HPCAL1: variants seen among roughly 807,000 people sequenced by gnomAD.
HPCAL1 encodes hippocalcin-like protein 1.
A neutral mutation model predicts 17.1 loss-of-function variants in HPCAL1; 8 were observed. The observed-to-expected ratio is 0.47, with a 90% CI of 0.27 to 0.84. HPCAL1 has a LOEUF of 0.84. Ranked by LOEUF, HPCAL1 falls within the 40% of genes least tolerant of loss-of-function variation. HPCAL1 has a pLI of 0.13. For synonymous variants in HPCAL1, 112 were observed against 111.4 expected, an observed-to-expected ratio of 1.01 and a Z score of -0.03; for missense variants, 165 against 271.1, an observed-to-expected ratio of 0.61 and a Z score of 2.75.
chr2:10,305,232 A>T (rs903500599), intron 1 of HPCAL1, among the ~76,000 whole-genome samples: 9 of 139,600 alleles, frequency 6.4e-5, no homozygotes, highest in African/African-American at 2.3e-4. Flanking sequence ...TAATAATATT[A>T]AAAAAAAAAT....
rs1477575489 is a variant in HPCAL1, at chr2:10,344,909, CTG to C, written c.-111+41738_-111+41739del. ...TCTATGTGTCCGTTTCTCTTTCTCT[CTG>C]TGTGTCTCTCTCTCTGTGCCTTTCA... On this transcript the variant is annotated intron_variant, in intron 1 of 4. Coordinates refer to ENST00000307845, the MANE Select transcript of HPCAL1 (RefSeq NM_002149.4). This position sits in a 1 kb window ranked among gnomAD's most constrained non-coding sequence, Gnocchi z 4.9. 4.7e-5 allele frequency among the ~76,000 whole-genome samples: 7 copies of C among 149,814 alleles called. No homozygotes were observed. The highest frequency in any genetic ancestry group is 3.3e-4 in the Admixed American group (5 of 15,058).
intron 1 of HPCAL1, among the ~76,000 whole-genome samples, chr2:10,349,334 A>G (rs1665677751): frequency 6.6e-6 from 1 of 152,092 alleles, no homozygotes; most frequent in Admixed American, 6.6e-5. Flanking sequence ...GAGTGCTTGT[A>G]AGAAGCCTGC....
At chr2:10,409,847 T>C (rs1417847319) in intron 2 of HPCAL1, among the ~76,000 whole-genome samples, 3 of 131,452 alleles carry the variant, frequency 2.3e-5, no homozygotes, top group Non-Finnish European at 3.1e-5. Flanking sequence ...TGGAGTGCAG[T>C]GGCACCACCT....
At chr2:10,412,733 G>A (rs182033519) in intron 2 of HPCAL1, among the ~76,000 whole-genome samples, 1 of 152,314 alleles carries the variant, frequency 6.6e-6, no homozygotes, top group East Asian at 1.9e-4. Flanking sequence ...CACACCTCCT[G>A]AGGCTCTGGG....
At chr2:10,372,312 G>A (rs1667267039) in intron 1 of HPCAL1, among the ~76,000 whole-genome samples, 1 of 152,192 alleles carries the variant, frequency 6.6e-6, no homozygotes, top group Non-Finnish European at 1.5e-5. Flanking sequence ...GGGCCCCACT[G>A]GAGTCATAGG....
intron 1 of HPCAL1, among the ~76,000 whole-genome samples, chr2:10,355,437 C>T (rs1296274231): frequency 2.9e-5 from 3 of 102,892 alleles, no homozygotes; most frequent in Admixed American, 1.6e-4. Context: ...GGCGACAGAG[C>T]GAGACTCCGT....
chr2:10,421,270 T>G (rs1390197258), intron 3 of HPCAL1, among the ~76,000 whole-genome samples: 1 of 152,194 alleles, frequency 6.6e-6, no homozygotes, highest in Non-Finnish European at 1.5e-5. Context: ...TTCATGCCTA[T>G]CAACAGCTCT....
At position 10,371,451 on chromosome 2, in the gene HPCAL1, G is replaced by A. The variant is rs564630159; in HGVS notation, c.-110-25384G>A. Among the ~76,000 whole-genome samples, 5 of 151,898 alleles carry A rather than the reference G, an allele frequency of 3.3e-5. No individual in the cohort carries two copies. The South Asian group carries it at 1.0e-3, about 32-fold the overall frequency. ...GGGGTGGGGTGGGGGGATGGTCTCT[G>A]ACTGGATAGCCCCACCTGGGTAGGA... On this transcript the variant is annotated intron_variant, in intron 1 of 4. Transcript: ENST00000307845.
chr2:10,405,790 G>A (rs960736841), intron 2 of HPCAL1, among the ~76,000 whole-genome samples: 2 of 152,226 alleles, frequency 1.3e-5, no homozygotes, highest in Admixed American at 6.5e-5. Flanking sequence ...CTGACTGCAC[G>A]AGGGGCCACA....
chr2:10,399,532 C>G (rs1489153458), intron 2 of HPCAL1, among the ~76,000 whole-genome samples: 1 of 111,980 alleles, frequency 8.9e-6, no homozygotes, highest in Non-Finnish European at 1.8e-5. Context: ...ACCGCCACTG[C>G]CACCGCCACC....
chr2:10,361,259 CCAGA>C (rs906478882), intron 1 of HPCAL1, among the ~76,000 whole-genome samples: 6 of 80,494 alleles, frequency 7.5e-5, no homozygotes, highest in Non-Finnish European at 1.8e-4. Context: ...TGGGTGGATC[CCAGA>C]GAGAGAGAGA....
chr2:10,345,667 G>T (rs1449649808), intron 1 of HPCAL1, among the ~76,000 whole-genome samples: 1 of 151,896 alleles, frequency 6.6e-6, no homozygotes, highest in Non-Finnish European at 1.5e-5. Flanking sequence ...ATGCTGCCTG[G>T]GCTGGTCTCG....
chr2:10,409,748 G>A (rs979919742), intron 2 of HPCAL1, among the ~76,000 whole-genome samples: 2 of 138,748 alleles, frequency 1.4e-5, no homozygotes, highest in Non-Finnish European at 3.1e-5. Context: ...CACAACAAAC[G>A]CCTCTCCAGC....
intron 1 of HPCAL1, among the ~76,000 whole-genome samples, chr2:10,385,443 C>T (rs1267229208): frequency 6.6e-6 from 1 of 152,116 alleles, no homozygotes; most frequent in African/African-American, 2.4e-5. Context: ...GGCTTGCTTC[C>T]CTGGCAGGGA....
At chr2:10,337,615 AG>A (rs1311808227) in intron 1 of HPCAL1, among the ~76,000 whole-genome samples, 1 of 152,196 alleles carries the variant, frequency 6.6e-6, no homozygotes, top group Non-Finnish European at 1.5e-5. Context: ...CCTGAGGCTC[AG>A]AGAGGCTGAG....
intron 1 of HPCAL1, among the ~76,000 whole-genome samples, chr2:10,356,375 G>T (rs535403747): frequency 3.0e-4 from 45 of 152,272 alleles, no homozygotes; most frequent in East Asian, 1.5e-3. Flanking sequence ...GGAGGTGGTA[G>T]TTTTGAACTG....
At chr2:10,340,002 T>C (rs1241905281) in intron 1 of HPCAL1, among the ~76,000 whole-genome samples, 1 of 152,240 alleles carries the variant, frequency 6.6e-6, no homozygotes, top group Non-Finnish European at 1.5e-5. Flanking sequence ...GACATTGGGA[T>C]GAGTTCTTTC....
rs1479638148 is a variant in HPCAL1 at position 10,344,364 on chromosome 2, G to C, written c.-111+41187G>C. Reference sequence around the variant, plus strand: ...GCCATGTGCCAGCAAGGGGGGCCCCGAAGTGCCGCTAGGTGCCTCACGATT... The same window carrying C: ...GCCATGTGCCAGCAAGGGGGGCCCCCAAGTGCCGCTAGGTGCCTCACGATT... On this transcript the variant is annotated intron_variant, in intron 1 of 4. Coordinates refer to ENST00000307845, the MANE Select transcript of HPCAL1 (RefSeq NM_002149.4). The surrounding 1 kb of genome is among the most constrained non-coding windows in gnomAD (Gnocchi z 4.9). 3.3e-5 allele frequency among the ~76,000 whole-genome samples: 5 copies of C among 152,182 alleles called. No homozygotes were observed. The South Asian group carries it at 1.0e-3, about 31-fold the overall frequency.
chr2:10,357,901 C>T (rs996470085), intron 1 of HPCAL1, among the ~76,000 whole-genome samples: 3 of 152,082 alleles, frequency 2.0e-5, no homozygotes, highest in African/African-American at 7.2e-5. Flanking sequence ...GAGGGGGCCA[C>T]ACCTGGCCTA....
Sources: gnomAD v4.1 joint callset for allele counts (sites outside exome capture counted in the v4.1 genomes callset) on GRCh38, gnomAD v4.1.1 for gene constraint, Gnocchi (gnomAD v3.1) non-coding constraint, MANE v1.5 for transcripts, NCBI Gene and HGNC (gene_info 2026-07-23, HGNC 2026-07-21) for gene names.